FRMPD4: variants seen among roughly 807,000 people sequenced by gnomAD.
The protein encoded by FRMPD4 is FERM and PDZ domain-containing protein 4.
FRMPD4 carries 22 observed loss-of-function variants against 94.1 expected under a neutral mutation model. The observed-to-expected ratio is 0.23, with a 90% CI of 0.17 to 0.33. The LOEUF (loss-of-function observed/expected upper bound fraction) is 0.33. Among genes scored for constraint, FRMPD4 ranks in the 10% least tolerant of loss-of-function variants. The pLI, the probability that FRMPD4 is intolerant of heterozygous loss-of-function variation, is 1.00. For synonymous variants in FRMPD4, 631 were observed against 548.6 expected, an observed-to-expected ratio of 1.15 and a Z score of -2.10; for missense variants, 1,111 against 1,339.9, an observed-to-expected ratio of 0.83 and a Z score of 2.67.
intron 8 of FRMPD4, among the ~76,000 whole-genome samples, chrX:12,692,918 C>T (rs757358178): frequency 9.0e-6 from 1 of 111,653 alleles, no homozygotes; most frequent in Non-Finnish European, 1.9e-5. Flanking sequence ...TTTCTTTATT[C>T]CTGGTTTGCT....
At chrX:12,587,421 T>C (rs948679791) in intron 2 of FRMPD4, among the ~76,000 whole-genome samples, 3 of 111,794 alleles carry the variant, frequency 2.7e-5, no homozygotes, top group Non-Finnish European at 5.6e-5. Context: ...TTATAATCAT[T>C]AAGCATTTAT....
chrX:12,472,139 C>T lies in FRMPD4; in HGVS notation c.42-26541C>T, dbSNP rs2057521685. Reference sequence around the variant, plus strand: ...TCAACATCAAAAAATATTGCTACTACTGGCCATTGGTAAGCTGCAAAGATA... The same window carrying T: ...TCAACATCAAAAAATATTGCTACTATTGGCCATTGGTAAGCTGCAAAGATA... On this transcript the variant is annotated intron_variant, in intron 1 of 16. Transcript: ENST00000675598. 2.7e-5 allele frequency among the ~76,000 whole-genome samples: 3 copies of T among 112,064 alleles called. No individual in the cohort carries two copies. The Admixed American group carries it at 2.8e-4, about 11-fold the overall frequency.
At chrX:12,341,577 C>G in intron 1 of FRMPD4, 2 of 322,440 alleles carry the variant, frequency 6.2e-6, no homozygotes, top group Non-Finnish European at 1.2e-5. Flanking sequence ...ATTAGTGTCC[C>G]CACTTACAGT....
At chrX:12,627,749 G>T (rs1294130398) in intron 4 of FRMPD4, among the ~76,000 whole-genome samples, 4 of 112,356 alleles carry the variant, frequency 3.6e-5, no homozygotes, top group Admixed American at 9.5e-5. Flanking sequence ...TGCAACTCAT[G>T]TATGGAAAAT....
chrX:11,879,857 C>T (rs1487586924), intron 3 of FRMPD4, among the ~76,000 whole-genome samples: 1 of 111,704 alleles, frequency 9.0e-6, no homozygotes, highest in Admixed American at 9.5e-5. Flanking sequence ...CCTACTCATG[C>T]TGTTAGCTTC....
At chrX:12,605,771 C>G (rs1483245458) in intron 2 of FRMPD4, among the ~76,000 whole-genome samples, 1 of 111,092 alleles carries the variant, frequency 9.0e-6, no homozygotes, top group Non-Finnish European at 1.9e-5. Context: ...GTTTCCTGTT[C>G]CCTGCTGATC....
intron 3 of FRMPD4, among the ~76,000 whole-genome samples, chrX:11,882,041 A>G (rs779925563): frequency 8.9e-6 from 1 of 111,740 alleles, no homozygotes; most frequent in East Asian, 2.8e-4. Context: ...GGCCAAGCAC[A>G]GTCTTGTCTA....
At chrX:11,929,885 A>G (rs148844813) in intron 3 of FRMPD4, among the ~76,000 whole-genome samples, 2,365 of 109,784 alleles carry the variant, frequency 0.022, 59 homozygotes, top group African/African-American at 0.075. Flanking sequence ...AGGCTGGTGT[A>G]TCACCTGAGG....
chrX:12,368,422 T>C (rs974248412), intron 1 of FRMPD4, among the ~76,000 whole-genome samples: 10 of 111,728 alleles, frequency 9.0e-5, no homozygotes, highest in African/African-American at 2.9e-4. Context: ...TCCAGTAAAG[T>C]GAGGCCCAGT....
At chrX:12,451,540 T>C (rs2057270721) in intron 1 of FRMPD4, among the ~76,000 whole-genome samples, 2 of 112,187 alleles carry the variant, frequency 1.8e-5, no homozygotes, top group South Asian at 3.7e-4. Context: ...TCTGTGTATA[T>C]AAAAATATGC....
chrX:12,097,487 C>G (rs2055216451), intron 3 of FRMPD4, among the ~76,000 whole-genome samples: 1 of 112,289 alleles, frequency 8.9e-6, no homozygotes, highest in Non-Finnish European at 1.9e-5. Context: ...CAAACTTGTT[C>G]AGCCATCACA....
At chrX:12,559,632 AGAGT>A (rs767980193) in intron 2 of FRMPD4, among the ~76,000 whole-genome samples, 5 of 97,432 alleles carry the variant, frequency 5.1e-5, no homozygotes, top group East Asian at 3.1e-4. Flanking sequence ...CCGAGGTGAT[AGAGT>A]GAGACTCCGT....
chrX:12,028,471 T>G (rs1283486863), intron 3 of FRMPD4, among the ~76,000 whole-genome samples: 6 of 110,742 alleles, frequency 5.4e-5, no homozygotes, highest in Admixed American at 1.9e-4. Context: ...TTCATGAACC[T>G]ACATTGCTAC....
At chrX:12,234,428 A>C (rs1404204806) in intron 1 of FRMPD4, among the ~76,000 whole-genome samples, 1 of 111,639 alleles carries the variant, frequency 9.0e-6, no homozygotes, top group Non-Finnish European at 1.9e-5. Flanking sequence ...AGATTAATTT[A>C]AAAATGAGCC....
intron 1 of FRMPD4, among the ~76,000 whole-genome samples, chrX:12,259,108 TAGTA>T (rs1229744649): frequency 1.8e-5 from 2 of 111,751 alleles, no homozygotes; most frequent in Non-Finnish European, 3.8e-5. Flanking sequence ...ACTCATCAAA[TAGTA>T]AGTGTTTGAT....
At chrX:12,249,041 A>AAAAC (rs1264522342) in intron 1 of FRMPD4, among the ~76,000 whole-genome samples, 1 of 112,958 alleles carries the variant, frequency 8.9e-6, no homozygotes, top group Admixed American at 9.3e-5. Flanking sequence ...TCCGTCTCAA[A>AAAAC]AAACAAACAA....
intron 4 of FRMPD4, among the ~76,000 whole-genome samples, chrX:12,665,922 C>A (rs1023298048): frequency 1.8e-5 from 2 of 111,138 alleles, no homozygotes; most frequent in Non-Finnish European, 3.8e-5. Flanking sequence ...TCACAAATAA[C>A]AATATTAACT....
intron 2 of FRMPD4, among the ~76,000 whole-genome samples, chrX:12,503,316 A>C: frequency 9.0e-6 from 1 of 111,544 alleles, no homozygotes; most frequent in Non-Finnish European, 1.9e-5. Flanking sequence ...CTTCCTGGCC[A>C]CCTTCATCCT....
In FRMPD4 at chrX:12,163,249, A is replaced by G. The variant is rs193063677; in HGVS notation, c.41+24237A>G. 2.1e-3 allele frequency among the ~76,000 whole-genome samples: 235 copies of G among 110,849 alleles called. 1 individual carries two copies. Among genetic ancestry groups the G allele is most frequent in the African/African-American group, 7.4e-3 (227 of 30,532 alleles). On this transcript the variant is annotated intron_variant, in intron 1 of 16. Coordinates refer to ENST00000675598, the MANE Select transcript of FRMPD4 (RefSeq NM_001368397.1). The stretch of plus-strand genomic sequence containing the variant: ...TGATATTTGTTGGTGAGATTTTTCC[A>G]GGAGTTTGAGCAAGATAAACTATTC...
Sources: gnomAD v4.1 joint callset for allele counts (sites outside exome capture counted in the v4.1 genomes callset) on GRCh38, gnomAD v4.1.1 for gene constraint, MANE v1.5 for transcripts, NCBI Gene and HGNC (gene_info 2026-07-23, HGNC 2026-07-21) for gene names.